TYW1: variants seen among roughly 807,000 people sequenced by gnomAD.
TYW1 encodes S-adenosyl-L-methionine-dependent tRNA 4-demethylwyosine synthase TYW1.
A neutral mutation model predicts 96.2 loss-of-function variants in TYW1; 46 were observed. The observed-to-expected ratio is 0.48, with a 90% CI of 0.38 to 0.61. The LOEUF (loss-of-function observed/expected upper bound fraction) is 0.61, where lower values mean the gene tolerates loss of function less well. TYW1 is among the 20% of genes least tolerant of loss of function. The pLI, the probability that TYW1 is intolerant of heterozygous loss-of-function variation, is 0.00. For synonymous variants in TYW1, 274 were observed against 323.0 expected, an observed-to-expected ratio of 0.85 and a Z score of 1.63; for missense variants, 684 against 909.6, an observed-to-expected ratio of 0.75 and a Z score of 3.19.
chr7:67,179,969 ATCC>A (rs756163455), intron 13 of TYW1, among the ~76,000 whole-genome samples: 1 of 110,622 alleles, frequency 9.0e-6, no homozygotes, highest in East Asian at 2.1e-4. Flanking sequence ...AGCTCAAGCA[ATCC>A]TCCTGCTTCA....
At chr7:67,143,778 G>A (rs28367118) in intron 13 of TYW1, among the ~76,000 whole-genome samples, 45,696 of 152,092 alleles carry the variant, frequency 0.3, 7,188 homozygotes, top group African/African-American at 0.39. Flanking sequence ...GGTAGTGCCT[G>A]GCACACTGAG....
intron 10 of TYW1, among the ~76,000 whole-genome samples, chr7:67,072,449 A>G (rs1357180603): frequency 6.6e-6 from 1 of 151,970 alleles, no homozygotes; most frequent in Non-Finnish European, 1.5e-5. Context: ...GGGTTTCACC[A>G]TGTTGGCCAG....
chr7:67,118,893 A>C (rs1028260600), intron 13 of TYW1, among the ~76,000 whole-genome samples: 1 of 149,986 alleles, frequency 6.7e-6, no homozygotes, highest in Non-Finnish European at 1.5e-5. Flanking sequence ...AAAAAAAAAA[A>C]AAAAAAAAAA....
chr7:67,138,006 G>A (rs1798322835), intron 13 of TYW1, among the ~76,000 whole-genome samples: 1 of 152,182 alleles, frequency 6.6e-6, no homozygotes, highest in African/African-American at 2.4e-5. Context: ...TACCGATCTG[G>A]ACTAGGCCTT....
chr7:67,039,725 G>A (rs566634360), intron 7 of TYW1, among the ~76,000 whole-genome samples: 5 of 150,876 alleles, frequency 3.3e-5, no homozygotes, highest in East Asian at 2.0e-4. Flanking sequence ...GTGCAGTGGC[G>A]CGATCTCGGC....
At chr7:67,211,364 C>T (rs1223069304) in intron 15 of TYW1, among the ~76,000 whole-genome samples, 1 of 152,124 alleles carries the variant, frequency 6.6e-6, no homozygotes, top group Non-Finnish European at 1.5e-5. Flanking sequence ...GGCAGTAAGC[C>T]GCAGCTCTCA....
At chr7:67,094,689 T>C (rs1386996904) in intron 11 of TYW1, among the ~76,000 whole-genome samples, 1 of 149,062 alleles carries the variant, frequency 6.7e-6, no homozygotes, top group Non-Finnish European at 1.5e-5. Context: ...TGTGTGTGTG[T>C]GTCAAGCACA....
intron 3 of TYW1, among the ~76,000 whole-genome samples, chr7:67,008,332 T>C (rs550988895): frequency 6.8e-4 from 103 of 152,302 alleles, no homozygotes; most frequent in African/African-American, 2.2e-3. Context: ...GATTAAATCA[T>C]TGGCCTTGGT....
Position 66,999,933 on chromosome 7 carries a change from G to T in TYW1, c.273+979G>T, listed in dbSNP as rs183192753. On this transcript the variant is annotated intron_variant, in intron 3 of 15. Coordinates refer to ENST00000359626, the MANE Select transcript of TYW1 (RefSeq NM_018264.4). ...GCATGTACTTTGATTTCTCCTTTTT[G>T]CTTTTTTTTTTCTTTTTTTAAAGAC... Among the ~76,000 whole-genome samples the T allele has an allele frequency of 2.3e-3, 351 of 151,676 alleles. 1 individual carries two copies. The highest frequency in any genetic ancestry group is 3.4e-3 in the Middle Eastern group (1 of 294).
intron 15 of TYW1, among the ~76,000 whole-genome samples, chr7:67,210,510 T>C (rs549691124): frequency 6.6e-6 from 1 of 152,372 alleles, no homozygotes; most frequent in Admixed American, 6.5e-5. Context: ...AGGGGCGTAG[T>C]GTTAGGCTCC....
At chr7:67,147,903 A>G (rs550850366) in intron 13 of TYW1, among the ~76,000 whole-genome samples, 1 of 152,124 alleles carries the variant, frequency 6.6e-6, no homozygotes, top group South Asian at 2.1e-4. Context: ...GAAATTAGGA[A>G]GAAGGAAAGA....
At chr7:67,032,218 A>C (rs1019586378) in intron 7 of TYW1, among the ~76,000 whole-genome samples, 1 of 151,960 alleles carries the variant, frequency 6.6e-6, no homozygotes, top group Non-Finnish European at 1.5e-5. Context: ...TTTTTATTTT[A>C]TTTTTTTTGG....
At chr7:67,034,213 C>T (rs568367133) in intron 7 of TYW1, among the ~76,000 whole-genome samples, 3 of 147,786 alleles carry the variant, frequency 2.0e-5, no homozygotes, top group African/African-American at 7.5e-5. Context: ...AAGCAATTCT[C>T]CTGCCTCAGC....
intron 12 of TYW1, among the ~76,000 whole-genome samples, chr7:67,111,847 C>G (rs1322920640): frequency 1.3e-5 from 2 of 152,116 alleles, no homozygotes; most frequent in Non-Finnish European, 2.9e-5. Context: ...CACCCATAAT[C>G]CCAGCACTTT....
At chr7:67,153,418 T>G (rs754895272) in intron 13 of TYW1, among the ~76,000 whole-genome samples, 1 of 152,186 alleles carries the variant, frequency 6.6e-6, no homozygotes, top group Middle Eastern at 3.2e-3. Context: ...ATTGTGCCAC[T>G]GCACTCCAGC....
rs1562963164 is a variant in TYW1 at position 67,009,661 on chromosome 7, C to A, written c.352C>A (p.Pro118Thr). 2 of 1,608,306 alleles carry A rather than the reference C, an allele frequency of 1.2e-6. No homozygotes were observed. Reference sequence around the variant, plus strand: ...CATTATTAATCTAAAAGAATATGATCCAGATGATCATCTGATAGAAGAGGT... The same window carrying A: ...CATTATTAATCTAAAAGAATATGATACAGATGATCATCTGATAGAAGAGGT... ...VAIINLKEYD[P>T]DDHLIEEVTS... The change falls in exon 4 of 16, where the codon CCA becomes ACA. Residue 118 changes from proline to threonine, a missense_variant. Transcript: ENST00000359626.
chr7:67,080,818 A>T (rs6944204), intron 10 of TYW1, among the ~76,000 whole-genome samples: 15,700 of 151,740 alleles, frequency 0.1, 870 homozygotes, highest in Middle Eastern at 0.15. Context: ...GTTTTTTTTT[A>T]AAATTCATTC....
intron 7 of TYW1, among the ~76,000 whole-genome samples, chr7:67,046,019 G>A (rs1795175783): frequency 6.6e-6 from 1 of 152,288 alleles, no homozygotes; most frequent in East Asian, 1.9e-4. Flanking sequence ...CAAGGAGATA[G>A]GAAGAAACAC....
chr7:67,234,553 G>T (rs948759419), intron 15 of TYW1, among the ~76,000 whole-genome samples: 2 of 151,992 alleles, frequency 1.3e-5, no homozygotes, highest in African/African-American at 2.4e-5. Flanking sequence ...AGAATTTTCT[G>T]TTGTTTCAGT....
Sources: gnomAD v4.1 joint callset for allele counts (sites outside exome capture counted in the v4.1 genomes callset) on GRCh38, gnomAD v4.1.1 for gene constraint, MANE v1.5 for transcripts, NCBI Gene and HGNC (gene_info 2026-07-23, HGNC 2026-07-21) for gene names.